The following COPS5 variants were observed in gnomAD, a reference collection of about 807,000 sequenced individuals.
COPS5 encodes the protein COP9 signalosome subunit 5.
In COPS5, 8 loss-of-function variants were observed where a neutral mutation model predicts 44.4. The ratio of observed to expected loss-of-function variants is 0.18; its 90% CI spans 0.11 to 0.32. The LOEUF (loss-of-function observed/expected upper bound fraction) is 0.32, where lower values mean the gene tolerates loss of function less well. Ranked by LOEUF, COPS5 falls within the 10% of genes least tolerant of loss-of-function variation. The pLI, the probability that COPS5 is intolerant of heterozygous loss-of-function variation, is 1.00. For missense variants in COPS5, 159 were observed against 406.4 expected (o/e 0.39, Z 5.23); for synonymous variants, 122 against 142.8 (o/e 0.85, Z 1.04).
At chr8:67,048,587 G>A (rs895267957) in intron 6 of COPS5, among the ~76,000 whole-genome samples, 14 of 151,400 alleles carry the variant, frequency 9.2e-5, no homozygotes, top group Non-Finnish European at 1.5e-4. Context: ...GTGGTGGCAC[G>A]CACCTGTAAT....
At chr8:67,054,068 T>C (rs999116959) in intron 5 of COPS5, among the ~76,000 whole-genome samples, 5 of 151,106 alleles carry the variant, frequency 3.3e-5, no homozygotes, top group African/African-American at 7.3e-5. Flanking sequence ...TCTTTAGCAA[T>C]GTAGGCCGCT....
At chr8:67,047,801 C>A (rs1365462635) in intron 6 of COPS5, 1 of 702,524 alleles carries the variant, frequency 1.4e-6, no homozygotes, top group Non-Finnish European at 2.6e-6. Flanking sequence ...CTGGTCTTAA[C>A]AGTGTTTTCT....
chr8:67,049,923 A>G (rs1233480459), intron 6 of COPS5, among the ~76,000 whole-genome samples: 2 of 152,158 alleles, frequency 1.3e-5, no homozygotes, highest in Admixed American at 1.3e-4. Flanking sequence ...TTCTAAATAT[A>G]GAGAAGTTTG....
intron 2 of COPS5, 79 bp from the exon 3 acceptor site, chr8:67,058,290 G>T: frequency 7.1e-7 from 1 of 1,406,682 alleles, no homozygotes; most frequent in Non-Finnish European, 9.8e-7. Flanking sequence ...AGGGTAACCA[G>T]TCTCCTTCCC....
At chr8:67,049,772 C>T (rs1407809446) in intron 6 of COPS5, among the ~76,000 whole-genome samples, 2 of 152,158 alleles carry the variant, frequency 1.3e-5, no homozygotes, top group Non-Finnish European at 1.5e-5. Flanking sequence ...AGTGCCGGTC[C>T]TGCTATGACT....
At chr8:67,059,775 A>ATGGT in intron 1 of COPS5, 1 of 290,468 alleles carries the variant, frequency 3.4e-6, no homozygotes, top group Admixed American at 4.7e-5. Flanking sequence ...GACTGCTTGG[A>ATGGT]TGGTTGTGCC....
intron 1 of COPS5, 150 bp downstream of exon 1, chr8:67,061,704 G>C (rs1585720688): frequency 2.6e-6 from 2 of 763,712 alleles, no homozygotes; most frequent in South Asian, 3.5e-5. Context: ...CCAGCGGAGG[G>C]CTTAGGCTCT....
chr8:67,059,041 A>C (rs1053620027), intron 2 of COPS5, among the ~76,000 whole-genome samples, 170 bp downstream of exon 2: 7 of 151,872 alleles, frequency 4.6e-5, no homozygotes, highest in Admixed American at 1.3e-4. Flanking sequence ...AACAAAAAAA[A>C]CCATGCTATA....
chr8:67,044,056 T>C (rs1416238821), intron 7 of COPS5: 5 of 152,150 alleles, frequency 3.3e-5, no homozygotes, highest in African/African-American at 1.2e-4. Context: ...AAATACTTTT[T>C]TTTGGAGACA....
At chr8:67,056,095 A>G (rs1804498705) in intron 5 of COPS5, among the ~76,000 whole-genome samples, 1 of 152,198 alleles carries the variant, frequency 6.6e-6, no homozygotes, top group South Asian at 2.1e-4. Flanking sequence ...AATATCTTGT[A>G]CATTAGAAAA....
chr8:67,049,847 C>T (rs1415141196), intron 6 of COPS5, among the ~76,000 whole-genome samples: 1 of 152,126 alleles, frequency 6.6e-6, no homozygotes, highest in Non-Finnish European at 1.5e-5. Context: ...TGGTTCTAAC[C>T]ACTATATATA....
At chr8:67,052,835 A>G (rs946084480) in intron 5 of COPS5, among the ~76,000 whole-genome samples, 3 of 151,872 alleles carry the variant, frequency 2.0e-5, no homozygotes, top group African/African-American at 7.2e-5. Flanking sequence ...AAAAAAAAAA[A>G]AAGAAATTTA....
intron 5 of COPS5, among the ~76,000 whole-genome samples, chr8:67,054,957 G>A (rs1563446667): frequency 6.6e-6 from 1 of 152,164 alleles, no homozygotes; most frequent in Non-Finnish European, 1.5e-5. Context: ...AAACAGAGGT[G>A]TTACTTTACA....
chr8:67,047,791 C>T (rs959381110), intron 6 of COPS5: 30 of 702,382 alleles, frequency 4.3e-5, no homozygotes, highest in Middle Eastern at 4.6e-4. Flanking sequence ...TCAGACTGTT[C>T]TGGTCTTAAC....
At chr8:67,061,225 G>A (rs1024429680) in intron 1 of COPS5, 1 of 273,656 alleles carries the variant, frequency 3.7e-6, no homozygotes, top group South Asian at 3.1e-5. Flanking sequence ...TCTGGCTTAT[G>A]GGAACTGGTG....
Position 67,043,318 on chromosome 8 carries a change from C to T in COPS5, c.921-1G>A. ...GATAGCTTCTATGGTAGTTTTACAG[C>T]TGGAAAAAAAAACACACATCACATG... On this transcript the variant is annotated splice_acceptor_variant, in intron 7 of 7. Transcript: ENST00000357849. LOFTEE classifies it high-confidence loss of function. 6.3e-7 allele frequency: 1 copy of T among 1,581,338 alleles called. No individual in the cohort carries two copies. The highest frequency in any genetic ancestry group is 8.6e-7 in the Non-Finnish European group (1 of 1,157,848).
intron 6 of COPS5, chr8:67,047,801 C>T (rs1365462635): frequency 4.3e-6 from 3 of 702,406 alleles, no homozygotes; most frequent in Non-Finnish European, 7.8e-6. Context: ...CTGGTCTTAA[C>T]AGTGTTTTCT....
chr8:67,049,400 G>A (rs1816741555), intron 6 of COPS5, among the ~76,000 whole-genome samples: 1 of 152,080 alleles, frequency 6.6e-6, no homozygotes, highest in Non-Finnish European at 1.5e-5. Context: ...GGAAGTTGAG[G>A]CTGCAGTGAG....
At chr8:67,057,268 G>A in intron 4 of COPS5, 112 bp downstream of exon 4, 1 of 521,220 alleles carries the variant, frequency 1.9e-6, no homozygotes, top group Non-Finnish European at 3.3e-6. Flanking sequence ...GAGTTGGCTT[G>A]AGCCTAGGCG....
Sources: allele counts gnomAD v4.1 joint callset (sites outside exome capture counted in the v4.1 genomes callset), GRCh38; gene constraint gnomAD v4.1.1; transcripts MANE v1.5; gene names NCBI Gene and HGNC (gene_info 2026-07-23, HGNC 2026-07-21).